NBPF6: variants seen among roughly 807,000 people sequenced by gnomAD.
The protein encoded by NBPF6 is NBPF member 6.
Under a neutral mutation model 20.8 loss-of-function variants are expected in NBPF6, and 2 were observed. That is an observed-to-expected ratio of 0.10 (90% CI 0.04 to 0.30). The LOEUF (loss-of-function observed/expected upper bound fraction) is 0.30, where lower values mean the gene tolerates loss of function less well. Ranked by LOEUF, NBPF6 falls within the 10% of genes least tolerant of loss-of-function variation. The pLI, the probability that NBPF6 is intolerant of heterozygous loss-of-function variation, is 1.00. For synonymous variants in NBPF6, 24 were observed against 100.0 expected, an observed-to-expected ratio of 0.24 and a Z score of 4.53; for missense variants, 85 against 260.3, an observed-to-expected ratio of 0.33 and a Z score of 4.63.
At position 108,467,647 on chromosome 1, in the gene NBPF6, G is replaced by A. The variant is rs142807418; in HGVS notation, c.1857G>A (p.Pro619=). The A allele has an allele frequency of 2.7e-3, 4,206 of 1,549,102 alleles. 141 individuals are homozygous for A. In the African/African-American group the frequency reaches 0.037, roughly 13 times the overall value. Residue 619 remains proline, a synonymous_variant, in exon 14 of 15, where the codon CCG becomes CCA. Transcript: ENST00000495380. The part of the protein sequence containing the change: ...KWRLAFRFAG[P]HAESAEIPNT... ...GACTGGCATTCAGATTCGCTGGCCC[G>A]CATGCTGAGAGTGCAGAGGTAATCA...
chr1:108,453,004 G>A (rs1652931615), intron 3 of NBPF6, among the ~76,000 whole-genome samples, 177 bp from the exon 4 acceptor site: 1 of 62,732 alleles, frequency 1.6e-5, no homozygotes, highest in African/African-American at 5.7e-5. Flanking sequence ...GTGTGTGTGT[G>A]TGTGTATATA....
chr1:108,469,860 C>A (rs1031425531), intron 14 of NBPF6, among the ~76,000 whole-genome samples: 6 of 149,678 alleles, frequency 4.0e-5, no homozygotes, highest in Non-Finnish European at 7.4e-5. Flanking sequence ...AAAGAAACAG[C>A]AGCACCATCA....
Position 108,465,284 on chromosome 1 carries a change from G to A in NBPF6, c.1520G>A (p.Ser507Asn). The A allele has an allele frequency of 8.4e-7, 1 of 1,192,926 alleles. No individual in the cohort carries two copies. Among genetic ancestry groups the A allele is most frequent in the Non-Finnish European group, 1.1e-6 (1 of 880,632 alleles). The allele number at this position is 1,192,926 out of a possible 1,614,324, so 73.9% of individuals were successfully genotyped here. Residue 507 changes from serine (S) to asparagine (N), a missense_variant, in exon 13 of 15, where the codon AGC (serine) becomes AAC (asparagine). Coordinates refer to ENST00000495380, the MANE Select transcript of NBPF6 (RefSeq NM_001143988.2). The part of the protein sequence containing the change: ...VQISQAQLEP[S>N]TLVPSCLRLQ... ...ATTTCACAGGCACAGCTGGAACCAA[G>A]CACCCTGGTGCCCAGTTGTCTGCGA... is the stretch of plus-strand genomic sequence containing the variant.
At position 108,471,843 on chromosome 1, in the gene NBPF6, T is replaced by G. The variant is rs1293834252; in HGVS notation, c.*1205T>G. Among the ~76,000 whole-genome samples the G allele has an allele frequency of 6.6e-6, 1 of 152,202 alleles. No homozygotes were observed. The highest frequency in any genetic ancestry group is 2.4e-5 in the African/African-American group (1 of 41,438). ...ATTTTTCACATACAATGTTTTAAGC[T>G]TTTATTTTATTATTGGTTTTCATGG... On this transcript the variant is annotated 3_prime_UTR_variant, in exon 15 of 15. Coordinates refer to ENST00000495380, the MANE Select transcript of NBPF6 (RefSeq NM_001143988.2).
Position 108,471,636 on chromosome 1 carries a change from G to C in NBPF6, c.*998G>C, listed in dbSNP as rs973722861. Among the ~76,000 whole-genome samples, 5 of 152,060 alleles carry C rather than the reference G, an allele frequency of 3.3e-5. No individual in the cohort carries two copies. The highest frequency in any genetic ancestry group is 1.3e-4 in the Admixed American group (2 of 15,260). On this transcript the variant is annotated 3_prime_UTR_variant, in exon 15 of 15. Transcript: ENST00000495380. ...TTATTATATTTATGTTTTTACATTG[G>C]AAATTGTCTTCTCAAAATTTTACTA...
the NBPF6 span, among the ~76,000 whole-genome samples, chr1:108,429,480 C>G: frequency 2.9e-5 from 3 of 103,822 alleles, no homozygotes; most frequent in South Asian, 2.6e-4. Flanking sequence ...AAATGTCTCT[C>G]TTAACACTGC....
In NBPF6 at chr1:108,471,134, GAGACA is replaced by G. The variant is rs1653449118; in HGVS notation, c.*497_*501del. The G allele has an allele frequency of 6.6e-6, 1 of 152,222 alleles. No homozygotes were observed. Among genetic ancestry groups the G allele is most frequent in the African/African-American group, 2.4e-5 (1 of 41,418 alleles). 9.4% of individuals were successfully genotyped at this position (152,222 alleles called of 1,614,324 possible). A position where few individuals can be genotyped will look rare whatever the true frequency, so the allele number is the denominator to read the frequency against. Reference sequence around the variant, plus strand: ...ACCAAGAAAACAACAAAAAGGAGAAGAGACATTTTGAGTTCAAAAAGAGTAAAAAG... The same window carrying G: ...ACCAAGAAAACAACAAAAAGGAGAAGTTTTGAGTTCAAAAAGAGTAAAAAG... On this transcript the variant is annotated 3_prime_UTR_variant, in exon 15 of 15. Coordinates refer to ENST00000495380, the MANE Select transcript of NBPF6 (RefSeq NM_001143988.2).
chr1:108,471,405 C>T lies in NBPF6; in HGVS notation c.*767C>T, dbSNP rs1208908932. ...CTTCCTACCTCAGCCCATCTGCAGG[C>T]AGAGAAGGCCCAGTGTGTCCATCCC... On this transcript the variant is annotated 3_prime_UTR_variant, in exon 15 of 15. Coordinates refer to ENST00000495380, the MANE Select transcript of NBPF6 (RefSeq NM_001143988.2). Among the ~76,000 whole-genome samples the T allele has an allele frequency of 6.6e-6, 1 of 152,176 alleles. No homozygotes were observed. Among genetic ancestry groups the T allele is most frequent in the African/African-American group, 2.4e-5 (1 of 41,444 alleles).
intron 9 of NBPF6, among the ~76,000 whole-genome samples, chr1:108,459,538 C>T (rs1287633133): frequency 2.0e-4 from 29 of 146,284 alleles, no homozygotes; most frequent in African/African-American, 4.7e-4. Flanking sequence ...TTCGGGGATA[C>T]GATTATGCCT....
At chr1:108,449,318 C>A (rs1318883015), upstream of NBPF6, among the ~76,000 whole-genome samples, 2 of 13,266 alleles carry the variant, frequency 1.5e-4, 1 homozygote, top group African/African-American at 2.1e-4. Flanking sequence ...TTCTACTGCA[C>A]AGGAACACTG....
chr1:108,437,910 C>A, the NBPF6 span, among the ~76,000 whole-genome samples: 2 of 46,780 alleles, frequency 4.3e-5, no homozygotes, highest in African/African-American at 7.8e-5. Context: ...AGGAAGAGAC[C>A]CACATTAAGA....
At chr1:108,436,669 T>A in the NBPF6 span, among the ~76,000 whole-genome samples, 2 of 65,764 alleles carry the variant, frequency 3.0e-5, no homozygotes, top group Non-Finnish European at 7.2e-5. Flanking sequence ...AGTCCAAAAA[T>A]AAACCAATGC....
chr1:108,470,613 A>T lies in NBPF6; in HGVS notation c.1892A>T (p.Glu631Val), dbSNP rs758181412. Residue 631 changes from glutamate to valine, a missense_variant, in exon 15 of 15, where the codon GAA (glutamate) becomes GTA (valine). By Grantham distance (121) the Glu-to-Val change is moderately radical. Coordinates refer to ENST00000495380, the MANE Select transcript of NBPF6 (RefSeq NM_001143988.2). ...AESAEIPNTA[E>V]RMQRMIG ...CCCCTACAGATACCAAATACTGCTG[A>T]AAGGATGCAAAGGATGATAGGATGA... The T allele has an allele frequency of 2.6e-6, 4 of 1,554,490 alleles. No homozygotes were observed. In the South Asian group the frequency reaches 3.6e-5, roughly 14 times the overall value.
chr1:108,467,888 T>A (rs1653228836), intron 14 of NBPF6, among the ~76,000 whole-genome samples: 1 of 150,736 alleles, frequency 6.6e-6, no homozygotes, highest in Non-Finnish European at 1.5e-5. Flanking sequence ...CTTTTTCTAC[T>A]GTCTTGAGAG....
At chr1:108,459,629 A>G (rs1653047228) in intron 9 of NBPF6, among the ~76,000 whole-genome samples, 1 of 58,456 alleles carries the variant, frequency 1.7e-5, no homozygotes. Flanking sequence ...GTTATAGGAC[A>G]TGATATTCAG....
rs1471016532 is a variant in NBPF6, at chr1:108,453,008, G to GTGTGTA, written c.279-172_279-171insGTGTAT. On this transcript the variant is annotated intron_variant, in intron 3 of 14. Coordinates refer to ENST00000495380, the MANE Select transcript of NBPF6 (RefSeq NM_001143988.2). ...TGTGTGTGTGTGTGTGTGTGTGTGT[G>GTGTGTA]TATATATATATATATTCTTCTTTCT... Among the ~76,000 whole-genome samples, 161 of 59,960 alleles carry GTGTGTA rather than the reference G, an allele frequency of 2.7e-3. 1 individual carries two copies. The highest frequency in any genetic ancestry group is 9.7e-3 in the African/African-American group (155 of 15,948). 39.3% of individuals were successfully genotyped at this position (59,960 alleles called of 152,430 possible).
At chr1:108,447,972 C>A (rs1423248667), upstream of NBPF6, among the ~76,000 whole-genome samples, 1 of 146,566 alleles carries the variant, frequency 6.8e-6, no homozygotes, top group Non-Finnish European at 1.5e-5. Context: ...ATATCAAGTC[C>A]AGGGCATAAA....
At chr1:108,459,378 T>C (rs1653028583) in intron 9 of NBPF6, among the ~76,000 whole-genome samples, 1 of 142,388 alleles carries the variant, frequency 7.0e-6, no homozygotes, top group Non-Finnish European at 1.6e-5. Flanking sequence ...ACTCTTCTTA[T>C]GGTGTCAACC....
intron 14 of NBPF6, among the ~76,000 whole-genome samples, chr1:108,470,372 G>C (rs998504006): frequency 7.1e-6 from 1 of 141,572 alleles, no homozygotes; most frequent in Admixed American, 7.0e-5. Context: ...CATAGGTGGG[G>C]TCCTTATATC....
Sources: allele counts gnomAD v4.1 joint callset (sites outside exome capture counted in the v4.1 genomes callset), GRCh38; gene constraint gnomAD v4.1.1; transcripts MANE v1.5; gene names NCBI Gene and HGNC (gene_info 2026-07-23, HGNC 2026-07-21).